Variants in TAFA1 observed in about 807,000 individuals in gnomAD.
TAFA1 encodes chemokine-like protein TAFA-1.
A neutral mutation model predicts 18.5 loss-of-function variants in TAFA1; 4 were observed. The ratio of observed to expected loss-of-function variants is 0.22; its 90% CI spans 0.11 to 0.49. TAFA1 has a LOEUF of 0.49. Ranked by LOEUF, TAFA1 falls within the 20% of genes least tolerant of loss-of-function variation. TAFA1 has a pLI of 0.98. For missense variants in TAFA1, 147 were observed against 169.0 expected, an observed-to-expected ratio of 0.87 and a Z score of 0.72; for synonymous variants, 56 against 55.2, an observed-to-expected ratio of 1.01 and a Z score of -0.06.
intron 2 of TAFA1, among the ~76,000 whole-genome samples, chr3:68,138,554 G>A (rs1251922116): frequency 6.6e-6 from 1 of 152,180 alleles, no homozygotes. Context: ...GTAAAAGGTG[G>A]TGGAGCAATT....
At chr3:68,454,032 T>C (rs1234005807) in intron 3 of TAFA1, among the ~76,000 whole-genome samples, 1 of 152,230 alleles carries the variant, frequency 6.6e-6, no homozygotes, top group Non-Finnish European at 1.5e-5. Context: ...ACAGATGTTC[T>C]GTACCAATGG....
At chr3:68,370,996 T>C (rs1386906619) in intron 2 of TAFA1, among the ~76,000 whole-genome samples, 1 of 152,086 alleles carries the variant, frequency 6.6e-6, no homozygotes, top group Non-Finnish European at 1.5e-5. Flanking sequence ...ACTACCGTAA[T>C]AATCTAGAAA....
rs868404635 is a variant in TAFA1, at chr3:68,370,556, A to G, written c.119-46724A>G. ...TTGGAGCCTGAAGTTAACCAGAGTG[A>G]AATAGCTCAACTTTTACTGCAAAAA... On this transcript the variant is annotated intron_variant, in intron 2 of 4. Coordinates refer to ENST00000478136, the MANE Select transcript of TAFA1 (RefSeq NM_213609.4). 8.3e-5 allele frequency among the ~76,000 whole-genome samples: 11 copies of G among 132,352 alleles called. 1 individual carries two copies. In the South Asian group the frequency reaches 2.7e-3, roughly 32 times the overall value. 86.8% of individuals were successfully genotyped at this position (132,352 alleles called of 152,430 possible). A position where few individuals can be genotyped will look rare whatever the true frequency, so the allele number is the denominator to read the frequency against.
At chr3:68,403,782 A>G (rs1294266647) in intron 2 of TAFA1, among the ~76,000 whole-genome samples, 1 of 152,156 alleles carries the variant, frequency 6.6e-6, no homozygotes, top group Non-Finnish European at 1.5e-5. Context: ...CTGAAATACC[A>G]CTGGCTGCCA....
intron 2 of TAFA1, among the ~76,000 whole-genome samples, chr3:68,333,405 T>A (rs115569459): frequency 0.017 from 2,542 of 152,252 alleles, 71 homozygotes; most frequent in African/African-American, 0.058. Context: ...AAATATTACA[T>A]GTTCTCATAA....
chr3:68,060,215 T>C (rs749490791), intron 2 of TAFA1, among the ~76,000 whole-genome samples: 1 of 151,976 alleles, frequency 6.6e-6, no homozygotes, highest in Non-Finnish European at 1.5e-5. Context: ...TGTGTGTGTG[T>C]GTGTGTGTCT....
At chr3:68,071,274 C>A (rs576539603) in intron 2 of TAFA1, among the ~76,000 whole-genome samples, 51 of 152,342 alleles carry the variant, frequency 3.3e-4, no homozygotes, top group African/African-American at 1.2e-3. Flanking sequence ...AAAGAGAGAG[C>A]TTGTGCAGGG....
intron 3 of TAFA1, among the ~76,000 whole-genome samples, chr3:68,533,829 GT>G (rs955638176): frequency 2.6e-5 from 4 of 152,102 alleles, no homozygotes; most frequent in African/African-American, 9.7e-5. Context: ...GTGTGACTCA[GT>G]TCGCAAGCTT....
At chr3:68,188,857 T>A (rs2066304099) in intron 2 of TAFA1, among the ~76,000 whole-genome samples, 1 of 151,908 alleles carries the variant, frequency 6.6e-6, no homozygotes, top group South Asian at 2.1e-4. Flanking sequence ...TTGTTGTTTT[T>A]TTGTTCGTTT....
the TAFA1 span, among the ~76,000 whole-genome samples, chr3:67,997,170 C>T: frequency 6.6e-6 from 1 of 152,286 alleles, no homozygotes; most frequent in African/African-American, 2.4e-5. Flanking sequence ...TACATTTGCA[C>T]ATTCAAAGGT....
intron 2 of TAFA1, among the ~76,000 whole-genome samples, chr3:68,368,216 A>T (rs531380525): frequency 6.6e-6 from 1 of 152,228 alleles, no homozygotes; most frequent in Non-Finnish European, 1.5e-5. Context: ...GCTTCTCCTC[A>T]CCATTGTCTC....
intron 3 of TAFA1, among the ~76,000 whole-genome samples, chr3:68,517,669 A>G (rs987655306): frequency 6.6e-6 from 1 of 152,214 alleles, no homozygotes; most frequent in Non-Finnish European, 1.5e-5. Context: ...AGTTCCATCT[A>G]TGAAATTATA....
intron 2 of TAFA1, among the ~76,000 whole-genome samples, chr3:68,263,359 G>A (rs965772570): frequency 1.3e-5 from 2 of 150,182 alleles, no homozygotes; most frequent in Admixed American, 6.7e-5. Flanking sequence ...TTTTTTTGTG[G>A]AACATACACA....
chr3:68,524,232 A>G (rs942402086), intron 3 of TAFA1, among the ~76,000 whole-genome samples: 8 of 152,254 alleles, frequency 5.3e-5, no homozygotes, highest in Admixed American at 5.2e-4. Flanking sequence ...TCTGCTCCAC[A>G]TGACTTTTCA....
At chr3:68,306,533 C>T (rs1161464828) in intron 2 of TAFA1, among the ~76,000 whole-genome samples, 3 of 152,116 alleles carry the variant, frequency 2.0e-5, no homozygotes, top group East Asian at 3.8e-4. Flanking sequence ...TTTAAATTTA[C>T]ATGCTGTCAA....
intron 2 of TAFA1, among the ~76,000 whole-genome samples, chr3:68,219,824 GA>G (rs148407132): frequency 0.017 from 2,581 of 152,182 alleles, 78 homozygotes; most frequent in African/African-American, 0.059. Context: ...CCCAAGTTCA[GA>G]AACCTTGGGA....
intron 2 of TAFA1, among the ~76,000 whole-genome samples, chr3:68,300,039 C>A (rs1334725835): frequency 6.6e-6 from 1 of 152,234 alleles, no homozygotes; most frequent in African/African-American, 2.4e-5. Context: ...CACTTAGAGT[C>A]CCCACGGGGG....
At chr3:68,371,931 T>G (rs2069714650) in intron 2 of TAFA1, among the ~76,000 whole-genome samples, 1 of 152,186 alleles carries the variant, frequency 6.6e-6, no homozygotes, top group African/African-American at 2.4e-5. Context: ...CTCAACCTGA[T>G]ATTTTTCAGA....
chr3:68,143,407 C>T (rs2065694805), intron 2 of TAFA1, among the ~76,000 whole-genome samples: 1 of 152,156 alleles, frequency 6.6e-6, no homozygotes, highest in African/African-American at 2.4e-5. Context: ...TATTCTTAAA[C>T]ATCACATTAT....
Sources: allele counts gnomAD v4.1 joint callset (sites outside exome capture counted in the v4.1 genomes callset), GRCh38; gene constraint gnomAD v4.1.1; transcripts MANE v1.5; gene names NCBI Gene and HGNC (gene_info 2026-07-23, HGNC 2026-07-21).